Variants in MAP2K5 observed in about 807,000 individuals in gnomAD.
MAP2K5 encodes the protein mitogen-activated protein kinase kinase 5, also known as dual specificity mitogen-activated protein kinase kinase 5.
A neutral mutation model predicts 83.1 loss-of-function variants in MAP2K5; 49 were observed. The ratio of observed to expected loss-of-function variants is 0.59; its 90% CI spans 0.47 to 0.75. The LOEUF is 0.75. MAP2K5 is among the 30% of genes least tolerant of loss of function. MAP2K5 has a pLI of 0.00. For synonymous variants in MAP2K5, 202 were observed against 191.8 expected (o/e 1.05, Z -0.44); for missense variants, 457 against 557.5 (o/e 0.82, Z 1.82).
In MAP2K5 at chr15:67,794,861, A is replaced by T. The variant is rs1414825669; in HGVS notation, c.1243-11785A>T. ...GTTACTAAGATTTTAAAGGGGTAGCAGCCTTTACTTAATTGGCTGCTTCTT... is the reference window on the plus strand; with the variant it reads ...GTTACTAAGATTTTAAAGGGGTAGCTGCCTTTACTTAATTGGCTGCTTCTT... On this transcript the variant is annotated intron_variant, in intron 21 of 21. Transcript: ENST00000178640. The surrounding 1 kb of genome is among the most constrained non-coding windows in gnomAD (Gnocchi z 4.6). 1.3e-5 allele frequency among the ~76,000 whole-genome samples: 2 copies of T among 152,238 alleles called. No homozygotes were observed.
rs146168977 is a variant in MAP2K5 at position 67,793,244 on chromosome 15, T to C, written c.1243-13402T>C. On this transcript the variant is annotated intron_variant, in intron 21 of 21. Coordinates refer to ENST00000178640, the MANE Select transcript of MAP2K5 (RefSeq NM_145160.3). This position sits in a 1 kb window ranked among gnomAD's most constrained non-coding sequence, Gnocchi z 4.6. Reference sequence around the variant, plus strand: ...AATGATTGTGCTTGTGAATAGCCACTGTGCTCCAGTCAGGGCAACACTGTG... The same window carrying C: ...AATGATTGTGCTTGTGAATAGCCACCGTGCTCCAGTCAGGGCAACACTGTG... Among the ~76,000 whole-genome samples, 231 of 152,312 alleles carry C rather than the reference T, an allele frequency of 1.5e-3. No homozygotes were observed. Among genetic ancestry groups the C allele is most frequent in the African/African-American group, 5.4e-3 (224 of 41,564 alleles).
Position 67,793,680 on chromosome 15 carries a change from A to T in MAP2K5, c.1243-12966A>T, listed in dbSNP as rs556665635. On this transcript the variant is annotated intron_variant, in intron 21 of 21. Coordinates refer to ENST00000178640, the MANE Select transcript of MAP2K5 (RefSeq NM_145160.3). The surrounding 1 kb of genome is among the most constrained non-coding windows in gnomAD (Gnocchi z 4.6). ...TAGTCTGAGATAAGGGTGTCAAAGT[A>T]TAGTGGTCTATAGATTGTAAAGTGC... Among the ~76,000 whole-genome samples the T allele has an allele frequency of 2.8e-4, 42 of 152,356 alleles. 1 individual carries two copies. Among genetic ancestry groups the T allele is most frequent in the African/African-American group, 9.6e-4 (40 of 41,592 alleles).
In MAP2K5 at chr15:67,573,312, G is replaced by A. The variant is rs1253709252; in HGVS notation, c.253-7442G>A. ...AATTGACACAGTTCTGCATGGCTGG[G>A]GAGGCCTCAGGAAACTTATAATCAT... On this transcript the variant is annotated intron_variant, in intron 3 of 21. Coordinates refer to ENST00000178640, the MANE Select transcript of MAP2K5 (RefSeq NM_145160.3). This position sits in a 1 kb window ranked among gnomAD's most constrained non-coding sequence, Gnocchi z 4.2. 6.6e-6 allele frequency among the ~76,000 whole-genome samples: 1 copy of A among 152,128 alleles called. No homozygotes were observed. The highest frequency in any genetic ancestry group is 1.5e-5 in the Non-Finnish European group (1 of 68,008).
chr15:67,668,979 A>C lies in MAP2K5; in HGVS notation c.847+4334A>C, dbSNP rs1207352525. ...GGCCAGATAGATTTGTGTTTAAAGA[A>C]ACTAAGCCTTGTAGTTTCAGTATAC... On this transcript the variant is annotated intron_variant, in intron 13 of 21. Coordinates refer to ENST00000178640, the MANE Select transcript of MAP2K5 (RefSeq NM_145160.3). This position sits in a 1 kb window ranked among gnomAD's most constrained non-coding sequence, Gnocchi z 4.0. Among the ~76,000 whole-genome samples, 1 of 152,144 alleles carries C rather than the reference A, an allele frequency of 6.6e-6. No individual in the cohort carries two copies. The highest frequency in any genetic ancestry group is 1.5e-5 in the Non-Finnish European group (1 of 68,028).
intron 3 of MAP2K5, among the ~76,000 whole-genome samples, chr15:67,580,026 A>G (rs755372351): frequency 4.6e-5 from 7 of 152,188 alleles, no homozygotes; most frequent in Non-Finnish European, 7.4e-5. Flanking sequence ...TCTCCAAGTT[A>G]GGTGGACATA....
At chr15:67,732,043 C>G (rs1027648021) in intron 17 of MAP2K5, among the ~76,000 whole-genome samples, 1 of 152,186 alleles carries the variant, frequency 6.6e-6, no homozygotes, top group Non-Finnish European at 1.5e-5. Context: ...CCATTAAATT[C>G]TGGGTGCTTG....
At chr15:67,598,109 G>T (rs2085568196) in intron 7 of MAP2K5, among the ~76,000 whole-genome samples, 1 of 151,918 alleles carries the variant, frequency 6.6e-6, no homozygotes, top group Non-Finnish European at 1.5e-5. Context: ...GGAGGCTGAG[G>T]CAGGAGAATC....
At chr15:67,579,547 C>T (rs2085133844) in intron 3 of MAP2K5, among the ~76,000 whole-genome samples, 1 of 151,970 alleles carries the variant, frequency 6.6e-6, no homozygotes, top group South Asian at 2.1e-4. Flanking sequence ...AGTTTGAAAC[C>T]CTTTGGAGAG....
At chr15:67,614,942 T>G (rs536798805) in intron 8 of MAP2K5, among the ~76,000 whole-genome samples, 30 of 152,288 alleles carry the variant, frequency 2.0e-4, no homozygotes, top group Admixed American at 7.2e-4. Flanking sequence ...TTAATATCTG[T>G]GACCTCATAA....
intron 9 of MAP2K5, among the ~76,000 whole-genome samples, chr15:67,635,868 C>G (rs1164583666): frequency 6.6e-6 from 1 of 152,158 alleles, no homozygotes; most frequent in Non-Finnish European, 1.5e-5. Flanking sequence ...TGGCTTCATT[C>G]TGGCTGCTTT....
chr15:67,796,307 G>A (rs1017122450), intron 21 of MAP2K5, among the ~76,000 whole-genome samples: 1 of 152,170 alleles, frequency 6.6e-6, no homozygotes, highest in Admixed American at 6.5e-5. Flanking sequence ...AAACACCTGA[G>A]ACTGAGTAAC....
rs1191976930 is a variant in MAP2K5, at chr15:67,722,395, T to C, written c.1045-5521T>C. Reference sequence around the variant, plus strand: ...CCTGCATTACTAAATCCTCCACATTTAATTGAAACCCTACTTCAAGACGCT... The same window carrying C: ...CCTGCATTACTAAATCCTCCACATTCAATTGAAACCCTACTTCAAGACGCT... On this transcript the variant is annotated intron_variant, in intron 16 of 21. Transcript: ENST00000178640. This position sits in a 1 kb window ranked among gnomAD's most constrained non-coding sequence, Gnocchi z 4.2. Among the ~76,000 whole-genome samples the C allele has an allele frequency of 6.6e-6, 1 of 152,056 alleles. No individual in the cohort carries two copies. Among genetic ancestry groups the C allele is most frequent in the Non-Finnish European group, 1.5e-5 (1 of 68,020 alleles).
At position 67,768,607 on chromosome 15, in the gene MAP2K5, G is replaced by A. The variant is rs537685635; in HGVS notation, c.1135-995G>A. Among the ~76,000 whole-genome samples, 3 of 152,290 alleles carry A rather than the reference G, an allele frequency of 2.0e-5. No homozygotes were observed. The highest frequency in any genetic ancestry group is 7.2e-5 in the African/African-American group (3 of 41,570). On this transcript the variant is annotated intron_variant, in intron 19 of 21. Transcript: ENST00000178640. The surrounding 1 kb of genome is among the most constrained non-coding windows in gnomAD (Gnocchi z 4.0). The stretch of plus-strand genomic sequence containing the variant: ...AGGTGCATGTATCATACTTTGCAGG[G>A]CACTTTGTGTAGGGATGTCAGGGAG...
intron 8 of MAP2K5, among the ~76,000 whole-genome samples, chr15:67,607,150 T>G (rs947055855): frequency 2.0e-5 from 3 of 152,234 alleles, no homozygotes; most frequent in Non-Finnish European, 4.4e-5. Flanking sequence ...TTCTAATCAC[T>G]TAAGGAGTCT....
intron 8 of MAP2K5, among the ~76,000 whole-genome samples, chr15:67,613,658 A>T (rs1367754707): frequency 2.0e-5 from 3 of 152,126 alleles, no homozygotes; most frequent in Admixed American, 6.6e-5. Context: ...ATATAAGTTC[A>T]TGTTGACTTG....
rs114774998 is a variant in MAP2K5 at position 67,592,152 on chromosome 15, C to T, written c.432-774C>T. On this transcript the variant is annotated intron_variant, in intron 6 of 21. Coordinates refer to ENST00000178640, the MANE Select transcript of MAP2K5 (RefSeq NM_145160.3). Reference sequence around the variant, plus strand: ...AAAAAAAAAGGACTTTCACTAAATTCATCCATATGAGTGTTAACATAGTCA... The same window carrying T: ...AAAAAAAAAGGACTTTCACTAAATTTATCCATATGAGTGTTAACATAGTCA... 5.5e-3 allele frequency among the ~76,000 whole-genome samples: 780 copies of T among 140,802 alleles called. 4 individuals carry two copies. Among genetic ancestry groups the T allele is most frequent in the African/African-American group, 0.019 (750 of 38,978 alleles). 92.4% of individuals were successfully genotyped at this position (140,802 alleles called of 152,430 possible).
intron 3 of MAP2K5, among the ~76,000 whole-genome samples, chr15:67,569,458 G>A (rs1354337702): frequency 6.6e-6 from 1 of 152,222 alleles, no homozygotes; most frequent in Admixed American, 6.5e-5. Flanking sequence ...CATGCTGCAA[G>A]CTGTAAGTAA....
intron 9 of MAP2K5, among the ~76,000 whole-genome samples, chr15:67,634,376 A>AT (rs1477644342): frequency 2.0e-5 from 1 of 50,526 alleles, no homozygotes; most frequent in Non-Finnish European, 3.3e-5. Flanking sequence ...TCAAAAAAAA[A>AT]AAAAAAAAAA....
Position 67,618,913 on chromosome 15 carries a change from A to AAG in MAP2K5, c.546-11974_546-11973dup, listed in dbSNP as rs2086115211. ...ATGTGTTCTCTTCACTCAGCAGCCAAAGTGATCTTTCTGAAATATTAGGTC... is the reference window on the plus strand; with the variant it reads ...ATGTGTTCTCTTCACTCAGCAGCCAAAGAGTGATCTTTCTGAAATATTAGGTC... On this transcript the variant is annotated intron_variant, in intron 8 of 21. Coordinates refer to ENST00000178640, the MANE Select transcript of MAP2K5 (RefSeq NM_145160.3). 3.9e-5 allele frequency among the ~76,000 whole-genome samples: 6 copies of AAG among 152,228 alleles called. 1 individual carries two copies. In the South Asian group the frequency reaches 1.2e-3, roughly 32 times the overall value.
Sources: gnomAD v4.1 joint callset for allele counts (sites outside exome capture counted in the v4.1 genomes callset) on GRCh38, gnomAD v4.1.1 for gene constraint, Gnocchi (gnomAD v3.1) non-coding constraint, MANE v1.5 for transcripts, NCBI Gene and HGNC (gene_info 2026-07-23, HGNC 2026-07-21) for gene names.